Variants in GTF2E2 observed in about 807,000 individuals in gnomAD.
GTF2E2 encodes transcription initiation factor IIE subunit beta.
GTF2E2 carries 21 observed loss-of-function variants against 40.5 expected under a neutral mutation model. That is an observed-to-expected ratio of 0.52 (90% CI 0.37 to 0.75). GTF2E2 has a LOEUF of 0.75. Among genes scored for constraint, GTF2E2 ranks in the 30% least tolerant of loss-of-function variants. GTF2E2 has a pLI of 0.00. For missense variants in GTF2E2, 298 were observed against 338.4 expected, an observed-to-expected ratio of 0.88 and a Z score of 0.94; for synonymous variants, 117 against 121.6, an observed-to-expected ratio of 0.96 and a Z score of 0.25.
intron 3 of GTF2E2, among the ~76,000 whole-genome samples, chr8:30,627,554 T>C (rs939421823): frequency 6.6e-6 from 1 of 150,978 alleles, no homozygotes; most frequent in African/African-American, 2.4e-5. Context: ...ATGGGCCAGA[T>C]GCAGTGGCGC....
At chr8:30,610,443 CAAA>C (rs34094808) in intron 5 of GTF2E2, among the ~76,000 whole-genome samples, 2 of 89,456 alleles carry the variant, frequency 2.2e-5, no homozygotes, top group Non-Finnish European at 2.1e-5. Flanking sequence ...GACTCTGTCT[CAAA>C]AAAAAAAAAA....
intron 3 of GTF2E2, among the ~76,000 whole-genome samples, chr8:30,622,956 C>T (rs1042411173): frequency 1.3e-5 from 2 of 151,954 alleles, no homozygotes; most frequent in Admixed American, 1.3e-4. Flanking sequence ...GTGCAGTTAA[C>T]GCAATTATCA....
At chr8:30,621,190 G>C (rs1221997345) in intron 3 of GTF2E2, among the ~76,000 whole-genome samples, 1 of 151,642 alleles carries the variant, frequency 6.6e-6, no homozygotes, top group Non-Finnish European at 1.5e-5. Flanking sequence ...TTACCAAAAG[G>C]CCAACCTAAC....
At chr8:30,595,844 A>AAAGGAAAAGGGGAAGGGG (rs1201000435) in intron 6 of GTF2E2, among the ~76,000 whole-genome samples, 1 of 152,280 alleles carries the variant, frequency 6.6e-6, no homozygotes, top group African/African-American at 2.4e-5. Context: ...AAAAGAAAGG[A>AAAGGAAAAGGGGAAGGGG]AAGGAAAAGG....
At chr8:30,629,720 C>T (rs1329901655) in intron 3 of GTF2E2, among the ~76,000 whole-genome samples, 1 of 147,066 alleles carries the variant, frequency 6.8e-6, no homozygotes, top group African/African-American at 2.5e-5. Flanking sequence ...GACTGTTGAG[C>T]TATACTCCCA....
intron 6 of GTF2E2, among the ~76,000 whole-genome samples, chr8:30,583,773 C>T (rs775201611): frequency 1.3e-4 from 20 of 151,764 alleles, no homozygotes; most frequent in Non-Finnish European, 2.4e-4. Flanking sequence ...TAATCCATGA[C>T]GATCAGTATT....
intron 2 of GTF2E2, among the ~76,000 whole-genome samples, chr8:30,639,761 GT>G (rs1445408113): frequency 2.0e-5 from 3 of 151,310 alleles, no homozygotes; most frequent in Non-Finnish European, 2.9e-5. Flanking sequence ...TCTTTAAAGG[GT>G]TTTTGTTTTT....
intron 3 of GTF2E2, among the ~76,000 whole-genome samples, chr8:30,618,840 T>C (rs1021879849): frequency 2.6e-5 from 4 of 152,228 alleles, no homozygotes; most frequent in African/African-American, 9.7e-5. Flanking sequence ...TTGAAAAGAC[T>C]GGGAAATATT....
At chr8:30,588,418 G>C (rs1342825594) in intron 6 of GTF2E2, among the ~76,000 whole-genome samples, 1 of 152,180 alleles carries the variant, frequency 6.6e-6, no homozygotes, top group Non-Finnish European at 1.5e-5. Flanking sequence ...TCTGTCATTT[G>C]CAACATGAAT....
chr8:30,620,462 G>A (rs1801060854), intron 3 of GTF2E2, among the ~76,000 whole-genome samples: 1 of 152,008 alleles, frequency 6.6e-6, no homozygotes, highest in Non-Finnish European at 1.5e-5. Flanking sequence ...CTTTCAGTCA[G>A]AAAAAGAGCT....
rs978228706 is a variant in GTF2E2 at position 30,636,783 on chromosome 8, T to C, written c.167-1660A>G. The C allele has an allele frequency of 3.0e-5, 8 of 263,734 alleles. 1 individual carries two copies. The East Asian group carries it at 9.9e-4, about 33-fold the overall frequency. 16.3% of individuals were successfully genotyped at this position (263,734 alleles called of 1,614,324 possible). A position where few individuals can be genotyped will look rare whatever the true frequency, so the allele number is the denominator to read the frequency against. ...TGGGAGAATCACTTGAACGAGAGAG[T>C]TGGAGGTTGCAGTGAGCCGAGATAG... On this transcript the variant is annotated intron_variant, in intron 2 of 7. Coordinates refer to ENST00000355904, the MANE Select transcript of GTF2E2 (RefSeq NM_002095.6).
intron 6 of GTF2E2, among the ~76,000 whole-genome samples, chr8:30,602,510 A>G (rs1829211099): frequency 6.6e-6 from 1 of 152,138 alleles, no homozygotes; most frequent in Non-Finnish European, 1.5e-5. Context: ...GTGTTCACTG[A>G]CTTTGGGAGG....
intron 6 of GTF2E2, among the ~76,000 whole-genome samples, chr8:30,598,412 T>C (rs778017388): frequency 1.3e-5 from 2 of 152,360 alleles, no homozygotes; most frequent in South Asian, 2.1e-4. Context: ...CACAACACTA[T>C]AAATTTTCAT....
chr8:30,607,186 C>T (rs1178079076), intron 5 of GTF2E2, 36 bp from the exon 6 acceptor site: 5 of 779,904 alleles, frequency 6.4e-6, no homozygotes, highest in Non-Finnish European at 1.0e-5. Context: ...TTTCAGTTAA[C>T]TCCAAATTAC....
chr8:30,649,470 G>GA lies in GTF2E2; in HGVS notation c.166+3962dup, dbSNP rs561846629. Among the ~76,000 whole-genome samples the GA allele has an allele frequency of 5.9e-5, 9 of 152,078 alleles. No individual in the cohort carries two copies. In the East Asian group the frequency reaches 1.4e-3, roughly 23 times the overall value. On this transcript the variant is annotated intron_variant, in intron 2 of 7. Coordinates refer to ENST00000355904, the MANE Select transcript of GTF2E2 (RefSeq NM_002095.6). Reference sequence around the variant, plus strand: ...CAATGAAACCAAAGGTTGGTTCTTTGAAAAAAATCAACAAAATTGATGAAC... The same window carrying GA: ...CAATGAAACCAAAGGTTGGTTCTTTGAAAAAAAATCAACAAAATTGATGAAC...
chr8:30,631,015 AT>A (rs1291722996), intron 3 of GTF2E2, among the ~76,000 whole-genome samples: 1 of 151,968 alleles, frequency 6.6e-6, no homozygotes, highest in South Asian at 2.1e-4. Flanking sequence ...AAAAAGAAAT[AT>A]TTTTTTCAAG....
At chr8:30,601,634 G>C (rs1449369840) in intron 6 of GTF2E2, among the ~76,000 whole-genome samples, 2 of 152,116 alleles carry the variant, frequency 1.3e-5, no homozygotes, top group Non-Finnish European at 2.9e-5. Flanking sequence ...GAGGGACACA[G>C]ATCAGTGAAA....
At chr8:30,655,344 C>G (rs1802419176) in intron 1 of GTF2E2, among the ~76,000 whole-genome samples, 1 of 152,130 alleles carries the variant, frequency 6.6e-6, no homozygotes, top group Admixed American at 6.5e-5. Flanking sequence ...GGTCAACCAA[C>G]AAGAATTCTA....
intron 2 of GTF2E2, among the ~76,000 whole-genome samples, chr8:30,641,217 A>G (rs1253303574): frequency 2.0e-5 from 3 of 152,136 alleles, no homozygotes; most frequent in Non-Finnish European, 4.4e-5. Flanking sequence ...TTATCAATAC[A>G]CTCACAAGAC....
Sources: allele counts gnomAD v4.1 joint callset (sites outside exome capture counted in the v4.1 genomes callset), GRCh38; gene constraint gnomAD v4.1.1; transcripts MANE v1.5; gene names NCBI Gene and HGNC (gene_info 2026-07-23, HGNC 2026-07-21).